The following PUDP variants were observed in gnomAD, a reference collection of about 807,000 sequenced individuals.
PUDP encodes pseudouridine 5'-phosphatase.
Under a neutral mutation model 9.4 loss-of-function variants are expected in PUDP, and 8 were observed. The ratio of observed to expected loss-of-function variants is 0.85; its 90% CI spans 0.50 to 1.53. PUDP has a LOEUF of 1.53. Ranked by LOEUF, PUDP falls within the 40% of genes most tolerant of loss-of-function variation. PUDP has a pLI of 0.00. For missense variants in PUDP, 188 were observed against 189.7 expected, an observed-to-expected ratio of 0.99 and a Z score of 0.05; for synonymous variants, 99 against 80.7, an observed-to-expected ratio of 1.23 and a Z score of -1.22.
At chrX:6,998,986 C>T (rs1189615897) in intron 1 of PUDP, among the ~76,000 whole-genome samples, 1 of 111,430 alleles carries the variant, frequency 9.0e-6, no homozygotes, top group African/African-American at 3.3e-5. Flanking sequence ...AGACTAAGCA[C>T]GGTAGAGGGA....
intron 1 of PUDP, among the ~76,000 whole-genome samples, chrX:7,032,184 A>G (rs1468289368): frequency 8.9e-6 from 1 of 112,560 alleles, no homozygotes; most frequent in African/African-American, 3.2e-5. Context: ...AGGAAATAAA[A>G]AGTAAAACCA....
At chrX:6,898,898 C>T (rs775795792) in intron 3 of PUDP, among the ~76,000 whole-genome samples, 3 of 111,736 alleles carry the variant, frequency 2.7e-5, no homozygotes, top group African/African-American at 6.5e-5. Flanking sequence ...ATGGAATCCA[C>T]GCTTCTCTTC....
chrX:7,059,555 G>C (rs1425496032), intron 3 of PUDP, among the ~76,000 whole-genome samples: 1 of 112,045 alleles, frequency 8.9e-6, no homozygotes, highest in Admixed American at 9.5e-5. Flanking sequence ...GGTTTTGTGT[G>C]TTTAGAGGGA....
intron 3 of PUDP, among the ~76,000 whole-genome samples, chrX:6,879,909 T>C (rs1358850931): frequency 1.8e-5 from 2 of 110,650 alleles, no homozygotes; most frequent in African/African-American, 6.6e-5. Context: ...TATGAGGGGA[T>C]TGGAACAGAG....
chrX:6,845,524 T>C (rs2070468778), intron 3 of PUDP, among the ~76,000 whole-genome samples: 1 of 112,044 alleles, frequency 8.9e-6, no homozygotes, highest in Admixed American at 9.4e-5. Flanking sequence ...TTCAAGTCCT[T>C]ATAAGGGCTG....
intron 1 of PUDP, among the ~76,000 whole-genome samples, chrX:7,004,121 C>T (rs1414193136): frequency 1.8e-5 from 2 of 111,482 alleles, no homozygotes; most frequent in Non-Finnish European, 3.8e-5. Context: ...AGTGATCCAC[C>T]CGCCTTGGCT....
At chrX:6,855,990 G>T (rs1228084815) in intron 3 of PUDP, among the ~76,000 whole-genome samples, 2 of 111,412 alleles carry the variant, frequency 1.8e-5, no homozygotes, top group African/African-American at 6.5e-5. Flanking sequence ...TAGCAGTTGG[G>T]GGGTGAGCTA....
At chrX:6,774,474 G>A (rs1479208161) in intron 3 of PUDP, among the ~76,000 whole-genome samples, 1 of 111,875 alleles carries the variant, frequency 8.9e-6, no homozygotes. Flanking sequence ...TTTGTCTCAG[G>A]GTGGGCAATA....
At chrX:7,131,249 C>T (rs1932612848) in intron 1 of PUDP, among the ~76,000 whole-genome samples, 1 of 112,096 alleles carries the variant, frequency 8.9e-6, no homozygotes, top group Non-Finnish European at 1.9e-5. Context: ...TCTGAATCAG[C>T]CACTTTTCTT....
chrX:6,822,903 A>G (rs1159024771), intron 3 of PUDP, among the ~76,000 whole-genome samples: 2 of 109,840 alleles, frequency 1.8e-5, no homozygotes, highest in Non-Finnish European at 3.8e-5. Context: ...TTAAGTTTTC[A>G]TTTCCTCATG....
chrX:6,813,068 T>G lies in PUDP; in HGVS notation c.*248-106602A>C, dbSNP rs1290290374. 2.8e-5 allele frequency among the ~76,000 whole-genome samples: 3 copies of G among 107,596 alleles called. No homozygotes were observed. In the East Asian group the frequency reaches 8.7e-4, roughly 31 times the overall value. The allele number at this position is 107,596 out of a possible 115,157, so 93.4% of individuals were successfully genotyped here. A position where few individuals can be genotyped will look rare whatever the true frequency, so the allele number is the denominator to read the frequency against. The stretch of plus-strand genomic sequence containing the variant: ...ATAATCACACTAACATACTCCAGCC[T>G]GGGAAACAGATAGAGACACTGTCTT... On this transcript the variant is annotated intron_variant and NMD_transcript_variant, in intron 3 of 3. Coordinates refer to the PUDP transcript ENST00000655425.
At chrX:7,086,073 C>T (rs1433812599) in intron 2 of PUDP, among the ~76,000 whole-genome samples, 2 of 111,706 alleles carry the variant, frequency 1.8e-5, no homozygotes, top group Non-Finnish European at 3.8e-5. Context: ...CTGCAATTTT[C>T]ACTTCCCCAA....
intron 3 of PUDP, among the ~76,000 whole-genome samples, chrX:6,954,086 G>A (rs1928592255): frequency 9.1e-6 from 1 of 110,046 alleles, no homozygotes; most frequent in Admixed American, 9.8e-5. Flanking sequence ...CTTCTACCAT[G>A]AGTGTAAGTT....
At chrX:6,995,774 T>C (rs891401992) in intron 1 of PUDP, among the ~76,000 whole-genome samples, 2 of 107,196 alleles carry the variant, frequency 1.9e-5, no homozygotes, top group African/African-American at 6.8e-5. Context: ...AAAAGGGGCT[T>C]TGAGTTAATA....
At chrX:7,100,141 G>A (rs1426554748) in intron 2 of PUDP, among the ~76,000 whole-genome samples, 4 of 84,226 alleles carry the variant, frequency 4.7e-5, no homozygotes, top group African/African-American at 9.4e-5. Context: ...CTGATTCCTC[G>A]GTGATTGGCC....
chrX:6,862,350 A>G (rs1383627480), intron 3 of PUDP, among the ~76,000 whole-genome samples: 1 of 112,237 alleles, frequency 8.9e-6, no homozygotes, highest in African/African-American at 3.2e-5. Context: ...AAATGAAGGC[A>G]TGAGTTGATG....
intron 1 of PUDP, among the ~76,000 whole-genome samples, chrX:7,128,603 T>C (rs1932541653): frequency 9.0e-6 from 1 of 111,207 alleles, no homozygotes; most frequent in South Asian, 3.8e-4. Flanking sequence ...ATTACACTCC[T>C]GGCATTCCAA....
At chrX:7,061,966 T>C (rs994961777) in intron 3 of PUDP, among the ~76,000 whole-genome samples, 6 of 112,144 alleles carry the variant, frequency 5.4e-5, no homozygotes, top group African/African-American at 1.9e-4. Flanking sequence ...TAGCACCTTA[T>C]ATTCTAGTGA....
At chrX:6,833,485 G>A (rs899128752) in intron 3 of PUDP, among the ~76,000 whole-genome samples, 2 of 111,961 alleles carry the variant, frequency 1.8e-5, no homozygotes, top group Admixed American at 1.9e-4. Flanking sequence ...ACAAATGAAT[G>A]AATGAATAGG....
Sources: gnomAD v4.1 joint callset for allele counts (sites outside exome capture counted in the v4.1 genomes callset) on GRCh38, gnomAD v4.1.1 for gene constraint, MANE v1.5 for transcripts, NCBI Gene and HGNC (gene_info 2026-07-23, HGNC 2026-07-21) for gene names.